RGMA: variants seen among roughly 807,000 people sequenced by gnomAD.
The protein encoded by RGMA is repulsive guidance molecule A.
Under a neutral mutation model 23.2 loss-of-function variants are expected in RGMA, and 10 were observed. That is an observed-to-expected ratio of 0.43 (90% confidence interval 0.27 to 0.73). The LOEUF (loss-of-function observed/expected upper bound fraction) is 0.73. Ranked by LOEUF, RGMA falls within the 30% of genes least tolerant of loss-of-function variation. The pLI is 0.20. For missense variants in RGMA, 547 were observed against 630.5 expected (o/e 0.87, Z 1.42); for synonymous variants, 308 against 279.3 (o/e 1.10, Z -1.03).
chr15:93,071,629 C>G (rs116385834), intron 2 of RGMA, among the ~76,000 whole-genome samples: 2,717 of 152,290 alleles, frequency 0.018, 65 homozygotes, highest in African/African-American at 0.061. Flanking sequence ...GTAAACTGAT[C>G]CCTCGCTCCC....
In RGMA at chr15:93,073,629, C is replaced by T. The variant is rs550131063; in HGVS notation, c.15-598G>A. The T allele has an allele frequency of 3.3e-6, 5 of 1,537,134 alleles. No homozygotes were observed. The African/African-American group carries it at 6.8e-5, about 21-fold the overall frequency. On this transcript the variant is annotated intron_variant, in intron 1 of 3. Transcript: ENST00000329082. Reference sequence around the variant, plus strand: ...CCCTGGCTCATCAGTCGCACTCAGACGCGACACCGGTGCAGGAGGCTGAAA... The same window carrying T: ...CCCTGGCTCATCAGTCGCACTCAGATGCGACACCGGTGCAGGAGGCTGAAA...
At chr15:93,053,784 G>C (rs183543078) in intron 2 of RGMA, among the ~76,000 whole-genome samples, 9 of 152,270 alleles carry the variant, frequency 5.9e-5, no homozygotes, top group Non-Finnish European at 1.2e-4. Flanking sequence ...ACTTGAGCAC[G>C]GGCGAGTCAG....
chr15:93,069,475 G>A (rs2141836384), intron 2 of RGMA, among the ~76,000 whole-genome samples: 1 of 152,306 alleles, frequency 6.6e-6, no homozygotes, highest in East Asian at 1.9e-4. Context: ...AGATGTACCT[G>A]GACACTGCAG....
intron 2 of RGMA, among the ~76,000 whole-genome samples, chr15:93,056,665 T>C (rs962598948): frequency 2.0e-5 from 3 of 152,112 alleles, no homozygotes; most frequent in African/African-American, 4.8e-5. Context: ...CCCTCCAAGT[T>C]CTGCCAGCCC....
rs2054651377 is a variant in RGMA, at chr15:93,035,520, C to T, written c.*9478G>A. 6.6e-6 allele frequency: 1 copy of T among 152,150 alleles called. No homozygotes were observed. Among genetic ancestry groups the T allele is most frequent in the Non-Finnish European group, 1.5e-5 (1 of 68,056 alleles). The allele number at this position is 152,150 out of a possible 1,614,324, so 9.4% of individuals were successfully genotyped here. A position where few individuals can be genotyped will look rare whatever the true frequency, so the allele number is the denominator to read the frequency against. The stretch of plus-strand genomic sequence containing the variant: ...AGGCAGGCCAGGTGATCAGACGTCC[C>T]CTGGAGGCCGTGGGGCATGAAGACC... On this transcript the variant is annotated 3_prime_UTR_variant, in exon 4 of 4. Coordinates refer to ENST00000329082, the MANE Select transcript of RGMA (RefSeq NM_020211.3).
rs1340850212 is a variant in RGMA at position 93,039,784 on chromosome 15, C to A, written c.*5214G>T. On this transcript the variant is annotated 3_prime_UTR_variant, in exon 4 of 4. Coordinates refer to ENST00000329082, the MANE Select transcript of RGMA (RefSeq NM_020211.3). ...CGTATATGTGCCACATTTTCTTTAT[C>A]CAGTCTATCATTGAGCCCATTATTT... The A allele has an allele frequency of 6.6e-6, 1 of 152,208 alleles. No individual in the cohort carries two copies. Among genetic ancestry groups the A allele is most frequent in the South Asian group, 2.1e-4 (1 of 4,838 alleles). 9.4% of individuals were successfully genotyped at this position (152,208 alleles called of 1,614,324 possible). A position where few individuals can be genotyped will look rare whatever the true frequency, so the allele number is the denominator to read the frequency against.
intron 2 of RGMA, among the ~76,000 whole-genome samples, chr15:93,071,815 G>C (rs1041611966): frequency 6.6e-6 from 1 of 152,228 alleles, no homozygotes; most frequent in East Asian, 1.9e-4. Context: ...TAGTGCGCGG[G>C]GGCTGCGGCT....
chr15:93,083,923 AG>A (rs1238309490), intron 1 of RGMA, among the ~76,000 whole-genome samples: 5 of 152,198 alleles, frequency 3.3e-5, no homozygotes, highest in Non-Finnish European at 5.9e-5. Context: ...GAGCCCACCT[AG>A]GAAAATGCAA....
chr15:93,088,750 C>T (rs1895684765), intron 1 of RGMA, 169 bp downstream of exon 1: 6 of 762,340 alleles, frequency 7.9e-6, no homozygotes, highest in South Asian at 7.4e-5. Flanking sequence ...TTCCTGCTGC[C>T]AACAGCTAAA....
chr15:93,056,401 T>TG (rs2055015431), intron 2 of RGMA, among the ~76,000 whole-genome samples: 1 of 151,832 alleles, frequency 6.6e-6, no homozygotes, highest in Non-Finnish European at 1.5e-5. Context: ...AAGAAGCGCC[T>TG]GAGACGAGGC....
Position 93,039,767 on chromosome 15 carries a change from T to C in RGMA, c.*5231A>G, listed in dbSNP as rs2054703233. ...TGCATAGTACTCCATGGCGTATATGTGCCACATTTTCTTTATCCAGTCTAT... is the reference window on the plus strand; with the variant it reads ...TGCATAGTACTCCATGGCGTATATGCGCCACATTTTCTTTATCCAGTCTAT... On this transcript the variant is annotated 3_prime_UTR_variant, in exon 4 of 4. Coordinates refer to ENST00000329082, the MANE Select transcript of RGMA (RefSeq NM_020211.3). 6.6e-6 allele frequency: 1 copy of C among 152,264 alleles called. No individual in the cohort carries two copies. Among genetic ancestry groups the C allele is most frequent in the African/African-American group, 2.4e-5 (1 of 41,442 alleles). 9.4% of individuals were successfully genotyped at this position (152,264 alleles called of 1,614,324 possible). A position where few individuals can be genotyped will look rare whatever the true frequency, so the allele number is the denominator to read the frequency against.
At chr15:93,065,856 A>G (rs1895126733) in intron 2 of RGMA, 5 of 748,592 alleles carry the variant, frequency 6.7e-6, no homozygotes, top group African/African-American at 1.7e-5. Flanking sequence ...TGCCCCTCCA[A>G]TGGGGCTCTT....
At chr15:93,068,978 T>C (rs1895238889) in intron 2 of RGMA, among the ~76,000 whole-genome samples, 1 of 152,206 alleles carries the variant, frequency 6.6e-6, no homozygotes, top group East Asian at 1.9e-4. Flanking sequence ...TAAATGTCTG[T>C]CATGTATAAG....
chr15:93,079,881 A>G (rs938630658), intron 1 of RGMA, among the ~76,000 whole-genome samples: 3 of 152,098 alleles, frequency 2.0e-5, no homozygotes, highest in Non-Finnish European at 4.4e-5. Context: ...TACAGGGTGC[A>G]TGCCTGTGGA....
chr15:93,054,645 T>G (rs908102314), intron 2 of RGMA, among the ~76,000 whole-genome samples: 1 of 152,214 alleles, frequency 6.6e-6, no homozygotes, highest in Non-Finnish European at 1.5e-5. Context: ...TAAACCTCTT[T>G]CCTTTATAAA....
At chr15:93,082,250 G>A (rs1316759607) in intron 1 of RGMA, among the ~76,000 whole-genome samples, 1 of 152,168 alleles carries the variant, frequency 6.6e-6, no homozygotes, top group African/African-American at 2.4e-5. Flanking sequence ...ACAGGATCTT[G>A]GGAGAGCTCT....
chr15:93,073,168 C>T (rs1348593754), intron 1 of RGMA, 137 bp from the exon 2 acceptor site: 5 of 1,194,346 alleles, frequency 4.2e-6, no homozygotes, highest in African/African-American at 1.6e-5. Context: ...CTCCCCTTCC[C>T]GCGCCGCCCC....
chr15:93,050,983 C>T (rs925473671), intron 3 of RGMA, among the ~76,000 whole-genome samples: 19 of 152,076 alleles, frequency 1.2e-4, no homozygotes, highest in Admixed American at 3.9e-4. Context: ...CCTGAGTATG[C>T]GGAGGGCTGC....
chr15:93,068,921 C>A (rs1038651383), intron 2 of RGMA, among the ~76,000 whole-genome samples: 1 of 152,190 alleles, frequency 6.6e-6, no homozygotes, highest in Non-Finnish European at 1.5e-5. Context: ...TCAAATCTGC[C>A]AGCACCTATC....
Sources: allele counts gnomAD v4.1 joint callset (sites outside exome capture counted in the v4.1 genomes callset), GRCh38; gene constraint gnomAD v4.1.1; transcripts MANE v1.5; gene names NCBI Gene and HGNC (gene_info 2026-07-23, HGNC 2026-07-21).